The following PCDHGB4 variants were observed in gnomAD, a reference collection of about 807,000 sequenced individuals.
PCDHGB4 encodes protocadherin gamma-B4.
PCDHGB4 carries 38 observed loss-of-function variants against 60.5 expected under a neutral mutation model. The observed-to-expected ratio is 0.63, with a 90% CI of 0.48 to 0.82. The LOEUF (loss-of-function observed/expected upper bound fraction) is 0.82, where lower values mean the gene tolerates loss of function less well. Ranked by LOEUF, PCDHGB4 falls within the 40% of genes least tolerant of loss-of-function variation. PCDHGB4 has a pLI of 0.00. For synonymous variants in PCDHGB4, 456 were observed against 509.7 expected (o/e 0.89, Z 1.42); for missense variants, 1,109 against 1,209.6 (o/e 0.92, Z 1.23).
In PCDHGB4 at chr5:141,476,824, C is replaced by A; in HGVS notation, c.2398-17983C>A. On this transcript the variant is annotated intron_variant, in intron 1 of 3. Coordinates refer to ENST00000519479, the MANE Select transcript of PCDHGB4 (RefSeq NM_003736.4). This position sits in a 1 kb window ranked among gnomAD's most constrained non-coding sequence, Gnocchi z 7.6. Reference sequence around the variant, plus strand: ...TGCCTATTCACATCAAGGTGCTGGACGCGAATGACAATGCGCCTGTCTTCA... The same window carrying A: ...TGCCTATTCACATCAAGGTGCTGGAAGCGAATGACAATGCGCCTGTCTTCA... The A allele has an allele frequency of 1.2e-6, 2 of 1,613,588 alleles. No individual in the cohort carries two copies. The highest frequency in any genetic ancestry group is 1.7e-6 in the Non-Finnish European group (2 of 1,180,036).
intron 1 of PCDHGB4, among the ~76,000 whole-genome samples, chr5:141,460,070 T>C (rs547558436): frequency 2.0e-5 from 3 of 152,202 alleles, no homozygotes; most frequent in South Asian, 2.1e-4. Flanking sequence ...AGAGTGAGAC[T>C]TCATCTAAAA....
intron 1 of PCDHGB4, chr5:141,414,883 G>T: frequency 6.2e-7 from 1 of 1,614,176 alleles, no homozygotes; most frequent in Non-Finnish European, 8.5e-7. Context: ...CCTGTACCCC[G>T]CCCTCCCCAC....
At chr5:141,410,847 G>GTT (rs773839667) in intron 1 of PCDHGB4, 4 of 158,332 alleles carry the variant, frequency 2.5e-5, no homozygotes, top group South Asian at 1.1e-4. Flanking sequence ...TTTTGTCTTT[G>GTT]TCTTTTTTTT....
Position 141,388,527 on chromosome 5 carries a change from T to C in PCDHGB4, c.643T>C (p.Leu215=). The C allele has an allele frequency of 6.2e-7, 1 of 1,613,866 alleles. No individual in the cohort carries two copies. Among genetic ancestry groups the C allele is most frequent in the Non-Finnish European group, 8.5e-7 (1 of 1,179,900 alleles). Residue 215 remains leucine (L), a synonymous_variant, in exon 1 of 4, where the codon TTG becomes CTG. Transcript: ENST00000519479. ...ATCCTACCACTTGACTTTGACTGCC[T>C]TGGACTTTGGAGCTCCACCCCTAAG... The part of the protein sequence containing the change: ...QKSYHLTLTA[L]DFGAPPLSST...
chr5:141,407,338 A>G (rs1016766073), intron 1 of PCDHGB4, among the ~76,000 whole-genome samples: 33 of 152,208 alleles, frequency 2.2e-4, no homozygotes, highest in Non-Finnish European at 1.8e-4. Context: ...ATTGAAATGT[A>G]TGTTAATTTG....
In PCDHGB4 at chr5:141,485,867, G is replaced by T; in HGVS notation, c.2398-8940G>T. The T allele has an allele frequency of 6.2e-7, 1 of 1,614,164 alleles. No homozygotes were observed. Among genetic ancestry groups the T allele is most frequent in the Non-Finnish European group, 8.5e-7 (1 of 1,180,040 alleles). On this transcript the variant is annotated intron_variant, in intron 1 of 3. Transcript: ENST00000519479. The surrounding 1 kb of genome is among the most constrained non-coding windows in gnomAD (Gnocchi z 5.7). ...TGGCACCGCAGAGCTCCGGGTATCC[G>T]TGCTGGACGTAAACGACAACGCCCC...
intron 1 of PCDHGB4, chr5:141,414,994 T>C (rs1390374290): frequency 3.7e-6 from 6 of 1,613,626 alleles, no homozygotes; most frequent in Non-Finnish European, 4.2e-6. Flanking sequence ...CCAGAACGCC[T>C]GGCTGTCCTA....
At chr5:141,504,511 CTCTGATAT>C (rs2099838890) in intron 2 of PCDHGB4, among the ~76,000 whole-genome samples, 1 of 151,902 alleles carries the variant, frequency 6.6e-6, no homozygotes, top group Non-Finnish European at 1.5e-5. Flanking sequence ...AGTGGATCTC[CTCTGATAT>C]ATTTTATTCG....
rs199658498 is a variant in PCDHGB4 at position 141,394,428 on chromosome 5, G to C, written c.2397+4147G>C. 4 of 1,614,114 alleles carry C rather than the reference G, an allele frequency of 2.5e-6. No individual in the cohort carries two copies. In the East Asian group the frequency reaches 6.7e-5, roughly 27 times the overall value. ...ACTGGTAACAGCCAGCGACAGCGGGGACCCGCCCCTCAGCAGCAACATGTC... is the reference window on the plus strand; with the variant it reads ...ACTGGTAACAGCCAGCGACAGCGGGCACCCGCCCCTCAGCAGCAACATGTC... On this transcript the variant is annotated intron_variant, in intron 1 of 3. Coordinates refer to ENST00000519479, the MANE Select transcript of PCDHGB4 (RefSeq NM_003736.4).
chr5:141,394,447 A>T, intron 1 of PCDHGB4: 1 of 1,614,248 alleles, frequency 6.2e-7, no homozygotes, highest in Non-Finnish European at 8.5e-7. Flanking sequence ...CTCAGCAGCA[A>T]CATGTCACTG....
chr5:141,498,306 A>C (rs2099783027), intron 2 of PCDHGB4, among the ~76,000 whole-genome samples: 1 of 151,810 alleles, frequency 6.6e-6, no homozygotes, highest in African/African-American at 2.4e-5. Flanking sequence ...TCTGGGTCAC[A>C]CTGCCTACAC....
intron 1 of PCDHGB4, among the ~76,000 whole-genome samples, chr5:141,465,839 G>A (rs1166392052): frequency 6.6e-6 from 1 of 151,400 alleles, no homozygotes; most frequent in Non-Finnish European, 1.5e-5. Context: ...AATTTCAACT[G>A]AGGCTGGGCC....
At position 141,409,564 on chromosome 5, in the gene PCDHGB4, G is replaced by C. The variant is rs374234556; in HGVS notation, c.2397+19283G>C. ...ACGACAACGCCCCAGTTTTCGACCA[G>C]ACGTCCTACGTGGTCCACGTGGCCG... On this transcript the variant is annotated intron_variant, in intron 1 of 3. Coordinates refer to ENST00000519479, the MANE Select transcript of PCDHGB4 (RefSeq NM_003736.4). The C allele has an allele frequency of 4.0e-5, 64 of 1,613,870 alleles. No individual in the cohort carries two copies. Among genetic ancestry groups the C allele is most frequent in the Non-Finnish European group, 5.2e-5 (61 of 1,179,914 alleles).
chr5:141,393,744 G>T (rs770821376), intron 1 of PCDHGB4: 3 of 1,613,868 alleles, frequency 1.9e-6, no homozygotes, highest in South Asian at 2.2e-5. Context: ...AGATTATGAA[G>T]AATGTTCATT....
intron 2 of PCDHGB4, among the ~76,000 whole-genome samples, chr5:141,503,568 C>T (rs1357099545): frequency 6.9e-6 from 1 of 144,390 alleles, no homozygotes; most frequent in Non-Finnish European, 1.5e-5. Context: ...CACTGTACTC[C>T]AGCCTGGGTG....
At chr5:141,404,384 G>C in intron 1 of PCDHGB4, 9 of 1,613,904 alleles carry the variant, frequency 5.6e-6, no homozygotes, top group African/African-American at 1.3e-5. Context: ...GATTGCCTAT[G>C]ACCCTGATAG....
chr5:141,474,563 A>G lies in PCDHGB4; in HGVS notation c.2398-20244A>G, dbSNP rs143794984. 1.4e-3 allele frequency among the ~76,000 whole-genome samples: 210 copies of G among 152,332 alleles called. 2 individuals are homozygous for G. The highest frequency in any genetic ancestry group is 5.0e-3 in the African/African-American group (207 of 41,572). ...TGAGCATTTAAAACTGGGGGTTTTC[A>G]GAGATTAATTGAAGTGTTAAAGACA... On this transcript the variant is annotated intron_variant, in intron 1 of 3. Coordinates refer to ENST00000519479, the MANE Select transcript of PCDHGB4 (RefSeq NM_003736.4).
chr5:141,471,046 C>CTTTT (rs1170588345), intron 1 of PCDHGB4, among the ~76,000 whole-genome samples: 3 of 113,278 alleles, frequency 2.6e-5, no homozygotes, highest in African/African-American at 7.1e-5. Flanking sequence ...CCCAAGCCCT[C>CTTTT]TTTTTTTTTT....
chr5:141,391,083 G>A (rs974357992), intron 1 of PCDHGB4: 1 of 152,152 alleles, frequency 6.6e-6, no homozygotes, highest in East Asian at 1.9e-4. Context: ...ATGTGTAACT[G>A]CCTTATCTGC....
Sources: allele counts gnomAD v4.1 joint callset (sites outside exome capture counted in the v4.1 genomes callset), GRCh38; gene constraint gnomAD v4.1.1; non-coding constraint Gnocchi (gnomAD v3.1); transcripts MANE v1.5; gene names NCBI Gene and HGNC (gene_info 2026-07-23, HGNC 2026-07-21).